SLC24A2: variants seen among roughly 807,000 people sequenced by gnomAD.
SLC24A2 encodes sodium/potassium/calcium exchanger 2.
SLC24A2 carries 36 observed loss-of-function variants against 62.0 expected under a neutral mutation model. The ratio of observed to expected loss-of-function variants is 0.58; its 90% CI spans 0.44 to 0.77. SLC24A2 has a LOEUF of 0.77. Among genes scored for constraint, SLC24A2 ranks in the 30% least tolerant of loss-of-function variants. The probability of loss-of-function intolerance (pLI) is 0.00; values close to 1 mark genes in which losing one functional copy is unlikely to be tolerated. For missense variants in SLC24A2, 846 were observed against 817.9 expected (o/e 1.03, Z -0.42); for synonymous variants, 358 against 294.0 (o/e 1.22, Z -2.23).
chr9:19,845,449 T>C, the SLC24A2 span, among the ~76,000 whole-genome samples: 1 of 152,172 alleles, frequency 6.6e-6, no homozygotes, highest in African/African-American at 2.4e-5. Flanking sequence ...TGTAGAATCA[T>C]GTAATCAGTG....
chr9:20,037,565 G>A, the SLC24A2 span, among the ~76,000 whole-genome samples: 1 of 152,166 alleles, frequency 6.6e-6, no homozygotes, highest in Non-Finnish European at 1.5e-5. Flanking sequence ...TTACTGAATT[G>A]ACAGTAACAT....
At chr9:19,663,309 G>C (rs1476835538) in intron 2 of SLC24A2, among the ~76,000 whole-genome samples, 4 of 152,128 alleles carry the variant, frequency 2.6e-5, no homozygotes, top group Admixed American at 2.6e-4. Flanking sequence ...TTTGTGCTGA[G>C]GTCCCAGTTC....
At chr9:19,611,387 A>G (rs1215758224) in intron 4 of SLC24A2, among the ~76,000 whole-genome samples, 5 of 140,038 alleles carry the variant, frequency 3.6e-5, no homozygotes, top group Non-Finnish European at 7.7e-5. Context: ...GATGAGGGAG[A>G]GGAAGGAGGG....
At chr9:20,177,828 C>A in the SLC24A2 span, among the ~76,000 whole-genome samples, 2 of 152,056 alleles carry the variant, frequency 1.3e-5, no homozygotes, top group Non-Finnish European at 2.9e-5. Flanking sequence ...TTCACAATGA[C>A]TTTGAAAGCA....
chr9:20,179,642 C>T, the SLC24A2 span, among the ~76,000 whole-genome samples: 106 of 152,184 alleles, frequency 7.0e-4, no homozygotes, highest in African/African-American at 2.2e-3. Context: ...GGGGAAGAAG[C>T]CTTCAAAGAC....
chr9:20,049,642 C>CGTATTAAGTT, the SLC24A2 span, among the ~76,000 whole-genome samples: 43 of 151,840 alleles, frequency 2.8e-4, 1 homozygote, highest in East Asian at 7.2e-3. Context: ...ACAAAGATGA[C>CGTATTAAGTT]AAATATGTTA....
At chr9:19,759,129 C>T (rs996690534) in intron 2 of SLC24A2, among the ~76,000 whole-genome samples, 2 of 152,178 alleles carry the variant, frequency 1.3e-5, no homozygotes, top group African/African-American at 4.8e-5. Flanking sequence ...CAAAAGACAC[C>T]TACAAACAGC....
chr9:20,120,508 A>G, the SLC24A2 span, among the ~76,000 whole-genome samples: 1 of 152,194 alleles, frequency 6.6e-6, no homozygotes, highest in East Asian at 1.9e-4. Flanking sequence ...TTGAGTATAC[A>G]TGGACACAAA....
At chr9:19,829,765 A>ATGTG in the SLC24A2 span, among the ~76,000 whole-genome samples, 71 of 56,892 alleles carry the variant, frequency 1.2e-3, no homozygotes, top group African/African-American at 2.6e-3. Flanking sequence ...TTATATATAT[A>ATGTG]TGTGTGTGTG....
intron 2 of SLC24A2, among the ~76,000 whole-genome samples, chr9:19,785,604 A>T (rs1823140689): frequency 6.6e-6 from 1 of 152,232 alleles, no homozygotes; most frequent in South Asian, 2.1e-4. Flanking sequence ...TTTCCTATGA[A>T]AATTAAATTG....
chr9:20,230,282 A>G, the SLC24A2 span, among the ~76,000 whole-genome samples: 1 of 152,096 alleles, frequency 6.6e-6, no homozygotes, highest in African/African-American at 2.4e-5. Context: ...TGGTATTTCT[A>G]GTTCTAGATC....
Position 19,528,096 on chromosome 9 carries a change from TA to T in SLC24A2, c.1521del (p.Thr508ProfsTer9). The T allele has an allele frequency of 6.3e-7, 1 of 1,598,632 alleles. No homozygotes were observed. The highest frequency in any genetic ancestry group is 8.5e-7 in the Non-Finnish European group (1 of 1,172,128). ...AAGTAAGAGAATACTGCAATCCAGG[TA>T]ATGGAGCCAAAGAACGTGATGGGAA... ...KFFPITFFGS[I>X]TWIAVFSYLM... On this transcript the variant is annotated frameshift_variant, in exon 9 of 11. Coordinates refer to ENST00000341998, the MANE Select transcript of SLC24A2 (RefSeq NM_020344.4). LOFTEE classifies it high-confidence loss of function.
chr9:19,973,190 T>C, the SLC24A2 span, among the ~76,000 whole-genome samples: 1 of 152,112 alleles, frequency 6.6e-6, no homozygotes, highest in Admixed American at 6.5e-5. Context: ...AAACAAAAAC[T>C]AAATCAAAAT....
the SLC24A2 span, among the ~76,000 whole-genome samples, chr9:20,211,196 T>C: frequency 1.3e-5 from 2 of 152,138 alleles, no homozygotes; most frequent in East Asian, 3.8e-4. Flanking sequence ...GGAAAATATC[T>C]GTTTGTTTTT....
the SLC24A2 span, among the ~76,000 whole-genome samples, chr9:19,966,949 C>G: frequency 6.6e-6 from 1 of 152,020 alleles, no homozygotes; most frequent in Non-Finnish European, 1.5e-5. Flanking sequence ...TCTTCTTAAG[C>G]CTGGAAGAAT....
chr9:20,247,808 G>C, the SLC24A2 span, among the ~76,000 whole-genome samples: 1 of 152,192 alleles, frequency 6.6e-6, no homozygotes, highest in African/African-American at 2.4e-5. Context: ...CAGTTTAAGA[G>C]CATGAGTTTG....
chr9:19,830,179 C>T, the SLC24A2 span, among the ~76,000 whole-genome samples: 2 of 152,258 alleles, frequency 1.3e-5, no homozygotes, highest in African/African-American at 4.8e-5. Context: ...AGCCCACTGA[C>T]ATCACCTATC....
the SLC24A2 span, among the ~76,000 whole-genome samples, chr9:19,936,045 G>A: frequency 6.6e-6 from 1 of 152,104 alleles, no homozygotes; most frequent in Non-Finnish European, 1.5e-5. Context: ...GAGGGTACAT[G>A]TCTGCAACTT....
chr9:20,076,894 GTA>G, the SLC24A2 span, among the ~76,000 whole-genome samples: 4 of 128,838 alleles, frequency 3.1e-5, no homozygotes, highest in Non-Finnish European at 6.6e-5. Flanking sequence ...TATCATATGT[GTA>G]TATATATATC....
Sources: gnomAD v4.1 joint callset for allele counts (sites outside exome capture counted in the v4.1 genomes callset) on GRCh38, gnomAD v4.1.1 for gene constraint, MANE v1.5 for transcripts, NCBI Gene and HGNC (gene_info 2026-07-23, HGNC 2026-07-21) for gene names.